ZNF560: variants seen among roughly 807,000 people sequenced by gnomAD.
The protein encoded by ZNF560 is zinc finger protein 560.
ZNF560 carries 54 observed loss-of-function variants against 81.8 expected under a neutral mutation model. The observed-to-expected ratio is 0.66, with a 90% CI of 0.53 to 0.83. ZNF560 has a LOEUF of 0.83. Ranked by LOEUF, ZNF560 falls within the 40% of genes least tolerant of loss-of-function variation. The probability of loss-of-function intolerance (pLI) is 0.00; values close to 1 mark genes in which losing one functional copy is unlikely to be tolerated. For synonymous variants in ZNF560, 321 were observed against 317.9 expected (o/e 1.01, Z -0.10); for missense variants, 940 against 932.4 (o/e 1.01, Z -0.11).
downstream of ZNF560, among the ~76,000 whole-genome samples, chr19:9,463,309 CTG>C: frequency 6.6e-6 from 1 of 152,144 alleles, no homozygotes; most frequent in Non-Finnish European, 1.5e-5. Context: ...AATTTCTAGG[CTG>C]TGAGACTAGG....
chr19:9,490,753 A>G (rs1210772385), intron 2 of ZNF560, among the ~76,000 whole-genome samples: 2 of 152,208 alleles, frequency 1.3e-5, no homozygotes, highest in Non-Finnish European at 2.9e-5. Context: ...TGCTTGATCT[A>G]TGTAACAAGA....
chr19:9,496,491 T>G (rs2073560444), intron 2 of ZNF560, among the ~76,000 whole-genome samples: 1 of 145,360 alleles, frequency 6.9e-6, no homozygotes, highest in South Asian at 2.2e-4. Context: ...CCCAAAGTGC[T>G]GGGATTATAG....
the ZNF560 span, among the ~76,000 whole-genome samples, chr19:9,456,785 T>C: frequency 6.6e-6 from 1 of 152,216 alleles, no homozygotes; most frequent in Non-Finnish European, 1.5e-5. Context: ...TCTATACCTA[T>C]AAATTTATGG....
the ZNF560 span, among the ~76,000 whole-genome samples, chr19:9,505,218 G>T: frequency 6.6e-6 from 1 of 152,168 alleles, no homozygotes; most frequent in Non-Finnish European, 1.5e-5. Flanking sequence ...ATACCATCAT[G>T]CATGGCTTAT....
rs186103434 is a variant in ZNF560 at position 9,494,469 on chromosome 19, T to A, written c.-57+3659A>T. ...TGGGAGGGAGGCCAGGTGCAGGGGCTCACCCCTGTAATCCCAGCACTTTGG... is the reference window on the plus strand; with the variant it reads ...TGGGAGGGAGGCCAGGTGCAGGGGCACACCCCTGTAATCCCAGCACTTTGG... On this transcript the variant is annotated intron_variant, in intron 2 of 9. Transcript: ENST00000301480. Among the ~76,000 whole-genome samples the A allele has an allele frequency of 1.4e-3, 209 of 152,302 alleles. 3 individuals are homozygous for A. Among genetic ancestry groups the A allele is most frequent in the Middle Eastern group, 0.014 (4 of 294 alleles).
intron 3 of ZNF560, 147 bp downstream of exon 3, chr19:9,475,137 C>T (rs2073180760): frequency 1.4e-5 from 11 of 766,888 alleles, no homozygotes; most frequent in Non-Finnish European, 2.1e-5. Context: ...AACCTCCACT[C>T]CCTGGGGAAA....
rs766679978 is a variant in ZNF560 at position 9,466,689 on chromosome 19, G to A, written c.2258C>T (p.Ser753Leu). ...AGTTCTTAAATGTTGAATACGTCCT[G>A]AGGATGTACGGAAGGCCTTCCCACA... ...KECGKAFRTS[S>L]GRIQHLRTHM... The change falls in exon 10 of 10, where the codon TCA becomes TTA. Residue 753 changes from serine (S) to leucine (L), a missense_variant. Transcript: ENST00000301480. 9.9e-6 allele frequency: 16 copies of A among 1,613,992 alleles called. No individual in the cohort carries two copies. The highest frequency in any genetic ancestry group is 1.7e-5 in the Admixed American group (1 of 59,990).
intron 2 of ZNF560, among the ~76,000 whole-genome samples, chr19:9,479,068 AGGCAGGAGAATCACTTGAATG>A (rs905151224): frequency 2.0e-5 from 3 of 152,076 alleles, no homozygotes; most frequent in Non-Finnish European, 4.4e-5. Flanking sequence ...CAGGAGGCTG[AGGCAGGAGAATCACTTGAATG>A]GGCAGGAGAA....
chr19:9,464,589 G>T (rs1410759714), downstream of ZNF560, among the ~76,000 whole-genome samples: 2 of 152,190 alleles, frequency 1.3e-5, no homozygotes, highest in East Asian at 1.9e-4. Context: ...ACATTTTAAA[G>T]CTGTATTATA....
At chr19:9,490,494 A>G (rs77215332) in intron 2 of ZNF560, among the ~76,000 whole-genome samples, 6,566 of 152,350 alleles carry the variant, frequency 0.043, 201 homozygotes, top group South Asian at 0.089. Context: ...CATGAAACAG[A>G]TAAGAACCCT....
At chr19:9,471,270 T>G in intron 6 of ZNF560, 26 bp downstream of exon 6, 1 of 1,524,938 alleles carries the variant, frequency 6.6e-7, no homozygotes, top group Non-Finnish European at 8.9e-7. Flanking sequence ...GTGTGAAAAA[T>G]AAGAAATACC....
intron 2 of ZNF560, among the ~76,000 whole-genome samples, chr19:9,475,591 T>G (rs1363656603): frequency 6.6e-6 from 1 of 151,496 alleles, no homozygotes. Flanking sequence ...ATATCCTCAT[T>G]GCACAGGTAA....
chr19:9,473,333 C>A, intron 4 of ZNF560, 74 bp from the exon 5 acceptor site: 3 of 1,165,342 alleles, frequency 2.6e-6, no homozygotes, highest in Non-Finnish European at 3.7e-6. Context: ...GTAATCCCAG[C>A]ACTTTGGGAG....
chr19:9,485,931 A>C (rs1361040030), intron 2 of ZNF560, among the ~76,000 whole-genome samples: 2 of 152,206 alleles, frequency 1.3e-5, no homozygotes, highest in African/African-American at 4.8e-5. Context: ...TTTTTAAAAA[A>C]CATTGAGCTA....
chr19:9,490,845 G>A (rs567764495), intron 2 of ZNF560, among the ~76,000 whole-genome samples: 12 of 152,218 alleles, frequency 7.9e-5, no homozygotes, highest in Admixed American at 7.2e-4. Flanking sequence ...ACCAGACCTA[G>A]GTAACACACC....
At chr19:9,496,964 T>G (rs1162870976) in intron 2 of ZNF560, among the ~76,000 whole-genome samples, 1 of 151,850 alleles carries the variant, frequency 6.6e-6, no homozygotes, top group Non-Finnish European at 1.5e-5. Flanking sequence ...ATCCTGTCAT[T>G]TTCAACAACG....
At chr19:9,446,365 TACACACACACACACACACACAC>T in the ZNF560 span, among the ~76,000 whole-genome samples, 1 of 145,142 alleles carries the variant, frequency 6.9e-6, no homozygotes, top group Non-Finnish European at 1.5e-5. Flanking sequence ...TGCCAAGTCA[TACACACACACACACACACACAC>T]ACACACACAC....
rs577002196 is a variant in ZNF560 at position 9,482,181 on chromosome 19, A to G, written c.-56-6812T>C. Among the ~76,000 whole-genome samples the G allele has an allele frequency of 5.9e-5, 9 of 152,050 alleles. No homozygotes were observed. In the South Asian group the frequency reaches 1.9e-3, roughly 32 times the overall value. ...CAGCAAACTCTCACAAGGACAAAAA[A>G]CCAAACACAGCATGTTCTCACTCAT... On this transcript the variant is annotated intron_variant, in intron 2 of 9. Coordinates refer to ENST00000301480, the MANE Select transcript of ZNF560 (RefSeq NM_152476.3).
the ZNF560 span, among the ~76,000 whole-genome samples, chr19:9,458,347 G>A: frequency 6.6e-6 from 1 of 152,234 alleles, no homozygotes; most frequent in Non-Finnish European, 1.5e-5. Flanking sequence ...TACTGAGAAT[G>A]TCTTCGCAGA....
Sources: gnomAD v4.1 joint callset for allele counts (sites outside exome capture counted in the v4.1 genomes callset) on GRCh38, gnomAD v4.1.1 for gene constraint, MANE v1.5 for transcripts, NCBI Gene and HGNC (gene_info 2026-07-23, HGNC 2026-07-21) for gene names.